Variants in MKLN1 observed in about 807,000 individuals in gnomAD.
MKLN1 encodes muskelin 1.
MKLN1 carries 18 observed loss-of-function variants against 99.0 expected under a neutral mutation model. The observed-to-expected ratio is 0.18, with a 90% CI of 0.13 to 0.27. MKLN1 has a LOEUF of 0.27. MKLN1 is among the 10% of genes least tolerant of loss of function. The pLI is 1.00. For synonymous variants in MKLN1, 288 were observed against 293.2 expected (o/e 0.98, Z 0.18); for missense variants, 621 against 875.9 (o/e 0.71, Z 3.67).
intron 3 of MKLN1, among the ~76,000 whole-genome samples, chr7:131,303,038 A>G (rs758115689): frequency 2.6e-5 from 4 of 152,136 alleles, no homozygotes; most frequent in Non-Finnish European, 5.9e-5. Context: ...TTCCCTGGCC[A>G]GAGACTTCCT....
chr7:131,197,378 TTTATTATTATTATTATTATTATTA>T (rs139892490), intron 2 of MKLN1, among the ~76,000 whole-genome samples: 234 of 139,266 alleles, frequency 1.7e-3, no homozygotes, highest in African/African-American at 5.0e-3. Context: ...TAATTAAAAT[TTTATTATTATTATTATTATTATTA>T]TTATTATTAT....
At chr7:131,443,824 ACTT>A (rs1795914394) in intron 11 of MKLN1, 122 bp downstream of exon 11, 1 of 747,156 alleles carries the variant, frequency 1.3e-6, no homozygotes, top group African/African-American at 1.8e-5. Flanking sequence ...GAAAGACAAA[ACTT>A]CTTTAACAGT....
intron 3 of MKLN1, among the ~76,000 whole-genome samples, chr7:131,304,560 C>T (rs1798426936): frequency 6.6e-6 from 1 of 152,142 alleles, no homozygotes; most frequent in East Asian, 1.9e-4. Context: ...CTTTTATTTA[C>T]AGCAGAGCTT....
intron 1 of MKLN1, among the ~76,000 whole-genome samples, chr7:131,110,696 G>C (rs561409228): frequency 1.3e-5 from 2 of 152,306 alleles, no homozygotes; most frequent in African/African-American, 4.8e-5. Flanking sequence ...ACAATCAATA[G>C]GAAGAAGAAC....
chr7:131,463,245 A>G lies in MKLN1; in HGVS notation c.1554A>G (p.Ala518=), dbSNP rs1312334806. ...MVPMTGFTQR[A]TIDPELNEIH... ...CAATGACAGGATTTACACAGAGAGCAACTATTGATCCAGAACTGAATGAAA... is the reference window on the plus strand; with the variant it reads ...CAATGACAGGATTTACACAGAGAGCGACTATTGATCCAGAACTGAATGAAA... Residue 518 remains alanine (A), a synonymous_variant, in exon 13 of 18, where the codon GCA becomes GCG. Transcript: ENST00000352689. 4 of 1,612,054 alleles carry G rather than the reference A, an allele frequency of 2.5e-6. No individual in the cohort carries two copies. The highest frequency in any genetic ancestry group is 2.5e-6 in the Non-Finnish European group (3 of 1,179,038).
intron 2 of MKLN1, among the ~76,000 whole-genome samples, chr7:131,380,591 A>G (rs1406297329): frequency 1.3e-5 from 2 of 152,218 alleles, no homozygotes; most frequent in South Asian, 2.1e-4. Context: ...AATTGTTGCC[A>G]GTAATATAAT....
At chr7:131,137,919 T>C (rs2116248788) in intron 1 of MKLN1, among the ~76,000 whole-genome samples, 1 of 113,556 alleles carries the variant, frequency 8.8e-6, no homozygotes, top group South Asian at 3.2e-4. Context: ...TTTCTTTCTT[T>C]CTTTACTTTT....
At chr7:131,189,796 T>A (rs1796507967) in intron 2 of MKLN1, among the ~76,000 whole-genome samples, 1 of 152,160 alleles carries the variant, frequency 6.6e-6, no homozygotes, top group Non-Finnish European at 1.5e-5. Flanking sequence ...AATGGAAATA[T>A]CTTTCAACTT....
chr7:131,412,685 C>T (rs1794913784), intron 7 of MKLN1, among the ~76,000 whole-genome samples: 1 of 152,168 alleles, frequency 6.6e-6, no homozygotes, highest in South Asian at 2.1e-4. Context: ...TTTGTCACTT[C>T]TTCATCTGTA....
rs1379026144 is a variant in MKLN1, at chr7:131,399,191, T to C, written c.511-50T>C. ...TTACTGTTGTTATTGTTTCCTACAGTATCATCTAACCAAATCTCTTCTTTC... is the reference window on the plus strand; with the variant it reads ...TTACTGTTGTTATTGTTTCCTACAGCATCATCTAACCAAATCTCTTCTTTC... On this transcript the variant is annotated intron_variant, in intron 5 of 17. Coordinates refer to ENST00000352689, the MANE Select transcript of MKLN1 (RefSeq NM_013255.5). 4.7e-6 allele frequency: 7 copies of C among 1,476,402 alleles called. No individual in the cohort carries two copies. In the South Asian group the frequency reaches 5.7e-5, roughly 12 times the overall value. The allele number at this position is 1,476,402 out of a possible 1,614,324, so 91.5% of individuals were successfully genotyped here. A position where few individuals can be genotyped will look rare whatever the true frequency, so the allele number is the denominator to read the frequency against.
At chr7:131,411,496 C>T (rs1054528959) in intron 7 of MKLN1, 113 bp downstream of exon 7, 6 of 729,962 alleles carry the variant, frequency 8.2e-6, no homozygotes, top group Non-Finnish European at 1.4e-5. Flanking sequence ...AGATGTTGGC[C>T]AGTTGCAGTG....
intron 3 of MKLN1, among the ~76,000 whole-genome samples, chr7:131,210,386 A>T (rs1252400880): frequency 6.6e-6 from 1 of 151,848 alleles, no homozygotes; most frequent in Non-Finnish European, 1.5e-5. Context: ...ACAAAAAATT[A>T]GCAGGCGTGG....
At chr7:131,405,605 C>T (rs1309168043) in intron 6 of MKLN1, among the ~76,000 whole-genome samples, 1 of 151,984 alleles carries the variant, frequency 6.6e-6, no homozygotes, top group Non-Finnish European at 1.5e-5. Flanking sequence ...AAAATTTCCT[C>T]CTCTTGTTCT....
intron 3 of MKLN1, among the ~76,000 whole-genome samples, chr7:131,244,512 T>G (rs1020596069): frequency 1.3e-5 from 2 of 152,098 alleles, no homozygotes; most frequent in African/African-American, 4.8e-5. Flanking sequence ...AGAATGCCTC[T>G]CCATCCTCTG....
At chr7:131,242,137 G>A (rs1457482109) in intron 3 of MKLN1, among the ~76,000 whole-genome samples, 1 of 152,186 alleles carries the variant, frequency 6.6e-6, no homozygotes, top group Non-Finnish European at 1.5e-5. Context: ...AAAATTAGCT[G>A]GCCAAGGCTA....
At chr7:131,478,889 A>C in intron 17 of MKLN1, 1 of 595,174 alleles carries the variant, frequency 1.7e-6, no homozygotes, top group Non-Finnish European at 3.0e-6. Context: ...CTATTATACC[A>C]ATTGCTGTGT....
rs908237281 is a variant in MKLN1, at chr7:131,291,397, C to T, written c.-178-84027C>T. 5.9e-5 allele frequency among the ~76,000 whole-genome samples: 9 copies of T among 151,724 alleles called. No individual in the cohort carries two copies. The East Asian group carries it at 1.7e-3, about 29-fold the overall frequency. ...CCACCCGCCTCAGCCTCCCAAAGTG[C>T]TGGGATTATGGGCATAGGCCACTGC... On this transcript the variant is annotated intron_variant, in intron 3 of 7. Coordinates refer to the MKLN1 transcript ENST00000416992.
At chr7:131,154,625 G>A (rs7778123) in intron 2 of MKLN1, among the ~76,000 whole-genome samples, 12,275 of 152,022 alleles carry the variant, frequency 0.081, 658 homozygotes, top group South Asian at 0.18. Context: ...GAGCACTCTT[G>A]TTATCTATAT....
intron 3 of MKLN1, among the ~76,000 whole-genome samples, chr7:131,238,036 A>G (rs1170950699): frequency 6.6e-6 from 1 of 152,092 alleles, no homozygotes; most frequent in Non-Finnish European, 1.5e-5. Flanking sequence ...AATTCCAGCT[A>G]CTTGGGAGGC....
Sources: gnomAD v4.1 joint callset for allele counts (sites outside exome capture counted in the v4.1 genomes callset) on GRCh38, gnomAD v4.1.1 for gene constraint, MANE v1.5 for transcripts, NCBI Gene and HGNC (gene_info 2026-07-23, HGNC 2026-07-21) for gene names.